The following MMP20 variants were observed in gnomAD, a reference collection of about 807,000 sequenced individuals.
MMP20 encodes the protein matrix metalloproteinase-20.
MMP20 carries 50 observed loss-of-function variants against 51.8 expected under a neutral mutation model. The ratio of observed to expected loss-of-function variants is 0.97; its 90% confidence interval spans 0.77 to 1.22. The LOEUF is 1.22. MMP20 is among the 50% of genes most tolerant of loss of function. The pLI is 0.00. For synonymous variants in MMP20, 244 were observed against 216.2 expected, an observed-to-expected ratio of 1.13 and a Z score of -1.13; for missense variants, 663 against 601.4, an observed-to-expected ratio of 1.10 and a Z score of -1.07.
chr11:102,583,892 A>G (rs1443745460), intron 8 of MMP20, among the ~76,000 whole-genome samples: 1 of 152,176 alleles, frequency 6.6e-6, no homozygotes, highest in African/African-American at 2.4e-5. Context: ...GCAGATTTTC[A>G]TGACTGACAT....
At chr11:102,622,317 G>A (rs1029199777) in intron 1 of MMP20, among the ~76,000 whole-genome samples, 4 of 152,114 alleles carry the variant, frequency 2.6e-5, no homozygotes, top group Non-Finnish European at 5.9e-5. Flanking sequence ...TCTCTGCTTA[G>A]CGTGACCCAG....
At chr11:102,588,977 C>T (rs1301074941) in intron 8 of MMP20, among the ~76,000 whole-genome samples, 4 of 152,158 alleles carry the variant, frequency 2.6e-5, no homozygotes. Flanking sequence ...AGTCACATTG[C>T]TAGGGGAGTG....
intron 3 of MMP20, among the ~76,000 whole-genome samples, chr11:102,611,291 C>G (rs926750875): frequency 2.6e-5 from 4 of 152,202 alleles, no homozygotes; most frequent in Non-Finnish European, 5.9e-5. Flanking sequence ...GTGGGCAAGA[C>G]AGAAACGATA....
chr11:102,580,574 G>A (rs1482405601), intron 8 of MMP20, among the ~76,000 whole-genome samples: 1 of 152,246 alleles, frequency 6.6e-6, no homozygotes, highest in Non-Finnish European at 1.5e-5. Flanking sequence ...TTTACAGAAT[G>A]TTTGGAGCTA....
chr11:102,620,743 A>C (rs1356141737), intron 1 of MMP20, among the ~76,000 whole-genome samples: 2 of 152,198 alleles, frequency 1.3e-5, no homozygotes, highest in East Asian at 3.8e-4. Flanking sequence ...ACATTTCCTC[A>C]ACATTTTTCT....
intron 6 of MMP20, among the ~76,000 whole-genome samples, chr11:102,601,453 A>G (rs1219180005): frequency 6.6e-6 from 1 of 151,892 alleles, no homozygotes; most frequent in East Asian, 1.9e-4. Context: ...TATCGTTATT[A>G]TTTTCGGAGT....
At position 102,617,192 on chromosome 11, in the gene MMP20, A is replaced by G. The variant is rs1484635540; in HGVS notation, c.127-133T>C. ...GTATTTTCCCATTTATGAAAAAAGT[A>G]GACATATTTGTTTACATAAAGCTTA... On this transcript the variant is annotated intron_variant, in intron 1 of 9. Coordinates refer to ENST00000260228, the MANE Select transcript of MMP20 (RefSeq NM_004771.4). 32 of 1,115,412 alleles carry G rather than the reference A, an allele frequency of 2.9e-5. No homozygotes were observed. The Middle Eastern group carries it at 7.0e-4, about 24-fold the overall frequency. The allele number at this position is 1,115,412 out of a possible 1,614,324, so 69.1% of individuals were successfully genotyped here.
At position 102,579,087 on chromosome 11, in the gene MMP20, C is replaced by A. The variant is rs889530750; in HGVS notation, c.1303G>T (p.Glu435Ter). Residue 435 changes from glutamate to a stop codon, truncating the protein, a stop_gained, in exon 9 of 10, where the codon GAA becomes TAA. Coordinates refer to ENST00000260228, the MANE Select transcript of MMP20 (RefSeq NM_004771.4). LOFTEE classifies it high-confidence loss of function. ...ATTTGGCCATTTACTCCTGAAAATTCTTCTTCAGTATTCTTTGGATAGTCT... is the reference window on the plus strand; with the variant it reads ...ATTTGGCCATTTACTCCTGAAAATTATTCTTCAGTATTCTTTGGATAGTCT... The part of the protein sequence containing the change: ...EKDYPKNTEE[E>*]FSGVNGQIDA... 1.2e-6 allele frequency: 2 copies of A among 1,613,896 alleles called. No homozygotes were observed. The highest frequency in any genetic ancestry group is 1.7e-6 in the Non-Finnish European group (2 of 1,179,826).
In MMP20 at chr11:102,586,658, CA is replaced by C. The variant is rs950567551; in HGVS notation, c.1247+6780del. Among the ~76,000 whole-genome samples the C allele has an allele frequency of 1.1e-4, 17 of 150,552 alleles. No homozygotes were observed. The East Asian group carries it at 2.3e-3, about 21-fold the overall frequency. On this transcript the variant is annotated intron_variant, in intron 8 of 9. Transcript: ENST00000260228. ...GAAACCCCATCTCTACTAAAAAATA[CA>C]AAAAAAAATTAGCTGGGCATGGTGG... is the stretch of plus-strand genomic sequence containing the variant.
At chr11:102,616,378 T>C (rs1859670375) in intron 2 of MMP20, among the ~76,000 whole-genome samples, 2 of 152,218 alleles carry the variant, frequency 1.3e-5, no homozygotes, top group South Asian at 2.1e-4. Flanking sequence ...AAAGTTGACC[T>C]GTTCACCTTT....
chr11:102,610,108 G>A, intron 3 of MMP20, 78 bp from the exon 4 acceptor site: 1 of 1,517,318 alleles, frequency 6.6e-7, no homozygotes, highest in Non-Finnish European at 9.1e-7. Flanking sequence ...TACAGAAAAG[G>A]GACATTTTGA....
At chr11:102,591,325 C>A (rs572420840) in intron 8 of MMP20, among the ~76,000 whole-genome samples, 2 of 152,272 alleles carry the variant, frequency 1.3e-5, no homozygotes, top group South Asian at 4.1e-4. Context: ...AATTTCAGTC[C>A]AATGTTAGGG....
chr11:102,591,711 A>C (rs1189915257), intron 8 of MMP20, among the ~76,000 whole-genome samples: 1 of 152,142 alleles, frequency 6.6e-6, no homozygotes, highest in Non-Finnish European at 1.5e-5. Flanking sequence ...CTTAGTAGAC[A>C]CTCACAGAGG....
At chr11:102,596,776 C>T (rs1351576596) in intron 6 of MMP20, among the ~76,000 whole-genome samples, 2 of 152,210 alleles carry the variant, frequency 1.3e-5, no homozygotes, top group South Asian at 2.1e-4. Flanking sequence ...TGCTCAGTCT[C>T]GTGACCTCTG....
rs1162033961 is a variant in MMP20 at position 102,601,234 on chromosome 11, G to T, written c.953+5301C>A. On this transcript the variant is annotated intron_variant, in intron 6 of 9. Coordinates refer to ENST00000260228, the MANE Select transcript of MMP20 (RefSeq NM_004771.4). Reference sequence around the variant, plus strand: ...TGCAAGCTCCGCCTCCCGGGTTCACGCCATTCTCCTGCCTCAGCCTCCCAA... The same window carrying T: ...TGCAAGCTCCGCCTCCCGGGTTCACTCCATTCTCCTGCCTCAGCCTCCCAA... Among the ~76,000 whole-genome samples, 8 of 44,292 alleles carry T rather than the reference G, an allele frequency of 1.8e-4. 3 individuals carry two copies. The highest frequency in any genetic ancestry group is 3.4e-4 in the African/African-American group (5 of 14,800). The allele number at this position is 44,292 out of a possible 152,430, so 29.1% of individuals were successfully genotyped here.
intron 1 of MMP20, among the ~76,000 whole-genome samples, chr11:102,617,949 G>C (rs566999332): frequency 1.3e-5 from 2 of 152,086 alleles, no homozygotes; most frequent in African/African-American, 4.8e-5. Context: ...GTCCATGGGG[G>C]AATTGGTCCC....
intron 8 of MMP20, among the ~76,000 whole-genome samples, chr11:102,587,314 T>C (rs1859265800): frequency 6.6e-6 from 1 of 152,214 alleles, no homozygotes; most frequent in African/African-American, 2.4e-5. Flanking sequence ...TCAGAAGAGA[T>C]ACTTGTACGA....
At chr11:102,621,752 A>G (rs1859753345) in intron 1 of MMP20, among the ~76,000 whole-genome samples, 1 of 152,242 alleles carries the variant, frequency 6.6e-6, no homozygotes, top group African/African-American at 2.4e-5. Context: ...GTTTAAAGTG[A>G]TGTTATGAAA....
At chr11:102,582,479 T>G (rs1859208498) in intron 8 of MMP20, among the ~76,000 whole-genome samples, 1 of 152,172 alleles carries the variant, frequency 6.6e-6, no homozygotes. Context: ...AAATTCCATT[T>G]TGAAGTTAAT....
Sources: allele counts gnomAD v4.1 joint callset (sites outside exome capture counted in the v4.1 genomes callset), GRCh38; gene constraint gnomAD v4.1.1; transcripts MANE v1.5; gene names NCBI Gene and HGNC (gene_info 2026-07-23, HGNC 2026-07-21).